SRFBP1: variants seen among roughly 807,000 people sequenced by gnomAD.
SRFBP1 encodes serum response factor binding protein 1.
A neutral mutation model predicts 45.5 loss-of-function variants in SRFBP1; 47 were observed. The ratio of observed to expected loss-of-function variants is 1.03; its 90% CI spans 0.82 to 1.32. The LOEUF (loss-of-function observed/expected upper bound fraction) is 1.32. SRFBP1 is among the 40% of genes most tolerant of loss of function. SRFBP1 has a pLI of 0.00. For synonymous variants in SRFBP1, 203 were observed against 166.3 expected (o/e 1.22, Z -1.70); for missense variants, 621 against 484.6 (o/e 1.28, Z -2.64).
intron 2 of SRFBP1, among the ~76,000 whole-genome samples, chr5:122,059,901 A>T (rs1237159467): frequency 6.6e-6 from 1 of 152,100 alleles, no homozygotes; most frequent in Non-Finnish European, 1.5e-5. Flanking sequence ...GGGAAAGAGT[A>T]GCAATTGTAG....
chr5:122,047,259 A>G lies in SRFBP1; in HGVS notation n.311+24852A>G, dbSNP rs553102708. Among the ~76,000 whole-genome samples the G allele has an allele frequency of 2.6e-5, 4 of 152,254 alleles. No homozygotes were observed. The East Asian group carries it at 5.8e-4, about 22-fold the overall frequency. ...GGAAGGGATCCAGTTTCAGCTTTCT[A>G]CATATGTCTAGCCAGTTTTCCCAGC... is the stretch of plus-strand genomic sequence containing the variant. On this transcript the variant is annotated intron_variant and non_coding_transcript_variant, in intron 2 of 2. Coordinates refer to the SRFBP1 transcript ENST00000504881.
intron 2 of SRFBP1, among the ~76,000 whole-genome samples, chr5:122,054,420 G>T (rs1378245279): frequency 6.6e-6 from 1 of 152,168 alleles, no homozygotes; most frequent in South Asian, 2.1e-4. Context: ...CTGACTTGCT[G>T]GGTCCCCAGT....
chr5:122,055,974 G>A (rs531808445), intron 2 of SRFBP1, among the ~76,000 whole-genome samples: 4 of 152,232 alleles, frequency 2.6e-5, no homozygotes, highest in Admixed American at 2.0e-4. Flanking sequence ...CTTTATTTAA[G>A]GTATCCAAAT....
At chr5:121,976,744 T>C (rs891716767) in intron 3 of SRFBP1, among the ~76,000 whole-genome samples, 1 of 150,648 alleles carries the variant, frequency 6.6e-6, no homozygotes, top group South Asian at 2.1e-4. Context: ...TGCATGTATA[T>C]ATATATATAA....
At chr5:122,043,362 T>C (rs1753800931) in intron 2 of SRFBP1, among the ~76,000 whole-genome samples, 1 of 152,082 alleles carries the variant, frequency 6.6e-6, no homozygotes, top group Non-Finnish European at 1.5e-5. Context: ...ATCACAAGCA[T>C]GCCTTGCTAC....
chr5:121,969,922 T>C (rs1263599555), intron 1 of SRFBP1, among the ~76,000 whole-genome samples: 1 of 152,148 alleles, frequency 6.6e-6, no homozygotes, highest in East Asian at 1.9e-4. Flanking sequence ...TCCTCTGTTC[T>C]TTCCGTCCCA....
At chr5:122,064,106 T>G (rs1754237026) in intron 2 of SRFBP1, 1 of 151,942 alleles carries the variant, frequency 6.6e-6, no homozygotes, top group South Asian at 2.1e-4. Flanking sequence ...ATGTTCCTAT[T>G]TAGTCCATTT....
chr5:121,971,662 C>T (rs377212923), intron 1 of SRFBP1, among the ~76,000 whole-genome samples: 3 of 152,052 alleles, frequency 2.0e-5, no homozygotes, highest in East Asian at 3.9e-4. Flanking sequence ...TCTCTTAAGG[C>T]TAAACAATGT....
At chr5:122,064,587 A>G (rs1443337233) in intron 2 of SRFBP1, 1 of 152,050 alleles carries the variant, frequency 6.6e-6, no homozygotes, top group African/African-American at 2.4e-5. Context: ...AAAATAAATT[A>G]TGGTCATGAA....
intron 2 of SRFBP1, among the ~76,000 whole-genome samples, chr5:122,069,124 GCTT>G (rs1481514509): frequency 1.3e-5 from 2 of 152,072 alleles, no homozygotes; most frequent in Non-Finnish European, 2.9e-5. Flanking sequence ...CACAGTCTCT[GCTT>G]CTTTATGTAG....
At chr5:122,020,871 C>G in intron 6 of SRFBP1, 69 bp downstream of exon 6, 1 of 1,332,436 alleles carries the variant, frequency 7.5e-7, no homozygotes, top group South Asian at 1.6e-5. Context: ...GTCTACTTGT[C>G]CATACATGAA....
intron 3 of SRFBP1, among the ~76,000 whole-genome samples, chr5:121,987,266 A>G (rs577080116): frequency 1.3e-5 from 2 of 152,212 alleles, no homozygotes; most frequent in Admixed American, 6.6e-5. Flanking sequence ...CCAGTATCAC[A>G]TGTCTCTGAG....
intron 3 of SRFBP1, among the ~76,000 whole-genome samples, chr5:121,991,358 T>C (rs1752617883): frequency 6.6e-6 from 1 of 152,150 alleles, no homozygotes; most frequent in African/African-American, 2.4e-5. Context: ...CCTTAAAAAA[T>C]AGATATTGTG....
intron 4 of SRFBP1, among the ~76,000 whole-genome samples, chr5:122,010,332 A>AT (rs1451968025): frequency 6.6e-6 from 1 of 152,120 alleles, no homozygotes; most frequent in East Asian, 1.9e-4. Context: ...AGTTGACTAT[A>AT]GGACATATAC....
chr5:121,968,476 A>G (rs1197480759), intron 1 of SRFBP1, among the ~76,000 whole-genome samples: 1 of 152,136 alleles, frequency 6.6e-6, no homozygotes, highest in African/African-American at 2.4e-5. Flanking sequence ...GGACTACTGT[A>G]TTTTATTCAC....
chr5:121,987,867 T>C (rs1045833784), intron 3 of SRFBP1, among the ~76,000 whole-genome samples: 1 of 152,216 alleles, frequency 6.6e-6, no homozygotes. Context: ...TGGTTACAAA[T>C]GTTTACTTTC....
chr5:122,064,222 G>T (rs1402414057), intron 2 of SRFBP1: 1 of 151,832 alleles, frequency 6.6e-6, no homozygotes, highest in South Asian at 2.1e-4. Context: ...GGTAAGACTG[G>T]TCTGTGTTAT....
Position 122,046,678 on chromosome 5 carries a change from T to C in SRFBP1, n.311+24271T>C, listed in dbSNP as rs567500288. 3.3e-5 allele frequency among the ~76,000 whole-genome samples: 5 copies of C among 152,330 alleles called. No individual in the cohort carries two copies. The East Asian group carries it at 9.7e-4, about 29-fold the overall frequency. On this transcript the variant is annotated intron_variant and non_coding_transcript_variant, in intron 2 of 2. Coordinates refer to the SRFBP1 transcript ENST00000504881. Reference sequence around the variant, plus strand: ...AATCCCACCAACAGTGTAAAAGTGTTCCAATTTCTCCACATCCTCTCCAGC... The same window carrying C: ...AATCCCACCAACAGTGTAAAAGTGTCCCAATTTCTCCACATCCTCTCCAGC...
At chr5:121,962,307 G>C (rs1374211558) in intron 1 of SRFBP1, among the ~76,000 whole-genome samples, 2 of 152,222 alleles carry the variant, frequency 1.3e-5, no homozygotes, top group East Asian at 3.9e-4. Flanking sequence ...ACTTTGGGAA[G>C]AACCTTTAGC....
Sources: allele counts gnomAD v4.1 joint callset (sites outside exome capture counted in the v4.1 genomes callset), GRCh38; gene constraint gnomAD v4.1.1; transcripts MANE v1.5; gene names NCBI Gene and HGNC (gene_info 2026-07-23, HGNC 2026-07-21).